SWT1: variants seen among roughly 807,000 people sequenced by gnomAD.
SWT1 encodes SWT1 RNA endoribonuclease homolog.
Under a neutral mutation model 107.3 loss-of-function variants are expected in SWT1, and 33 were observed. That is an observed-to-expected ratio of 0.31 (90% confidence interval 0.23 to 0.41). SWT1 has a LOEUF of 0.41. Ranked by LOEUF, SWT1 falls within the 10% of genes least tolerant of loss-of-function variation. SWT1 has a pLI of 1.00. For synonymous variants in SWT1, 345 were observed against 348.3 expected, an observed-to-expected ratio of 0.99 and a Z score of 0.11; for missense variants, 898 against 1,028.9, an observed-to-expected ratio of 0.87 and a Z score of 1.74.
At chr1:185,158,375 GC>G (rs1653825433) in intron 1 of SWT1, among the ~76,000 whole-genome samples, 1 of 151,702 alleles carries the variant, frequency 6.6e-6, no homozygotes, top group Admixed American at 6.6e-5. Flanking sequence ...GTCCCGTACA[GC>G]TTTTATCTAG....
chr1:185,285,183 A>G (rs140251691), intron 18 of SWT1, among the ~76,000 whole-genome samples: 35 of 152,192 alleles, frequency 2.3e-4, no homozygotes, highest in African/African-American at 7.2e-4. Flanking sequence ...GTTCATGAAG[A>G]TGCAGAGAGG....
chr1:185,290,743 T>C lies in SWT1; in HGVS notation c.2643T>C (p.Ser881=). Residue 881 remains serine (S), a synonymous_variant, in exon 19 of 19, where the codon TCT becomes TCC. Coordinates refer to ENST00000367500, the MANE Select transcript of SWT1 (RefSeq NM_017673.7). The stretch of plus-strand genomic sequence containing the variant: ...ATACCATGCAGCAGTGCAATGCATC[T>C]GTTTATATGGAGGCCAAAAACAGGG... ...MEYTMQQCNA[S]VYMEAKNRGW... 1 of 1,612,040 alleles carries C rather than the reference T, an allele frequency of 6.2e-7. No homozygotes were observed. Among genetic ancestry groups the C allele is most frequent in the Non-Finnish European group, 8.5e-7 (1 of 1,178,650 alleles).
At position 185,180,395 on chromosome 1, in the gene SWT1, T is replaced by C. The variant is rs1340010414; in HGVS notation, c.971T>C (p.Phe324Ser). 1.9e-6 allele frequency: 3 copies of C among 1,612,936 alleles called. No individual in the cohort carries two copies. The South Asian group carries it at 3.3e-5, about 18-fold the overall frequency. Residue 324 changes from phenylalanine (F) to serine (S), a missense_variant, in exon 6 of 19, where the codon TTT (phenylalanine) becomes TCT (serine). Physicochemically the swap from Phe to Ser is radical, Grantham distance 155. Transcript: ENST00000367500. ...ATGAAATTACTTTCATTTCAGAGTTTTGAAGCACCATGTTGTTCCGTGTCA... is the reference window on the plus strand; with the variant it reads ...ATGAAATTACTTTCATTTCAGAGTTCTGAAGCACCATGTTGTTCCGTGTCA... The part of the protein sequence containing the change: ...SHSRENLTQS[F>S]EAPCCSVSSE...
rs148214712 is a variant in SWT1 at position 185,186,332 on chromosome 1, G to C, written c.1429+1401G>C. On this transcript the variant is annotated intron_variant, in intron 9 of 18. Transcript: ENST00000367500. ...GATTCACAGCACTGCATGGCTTTAA[G>C]ACTATGAATTGGTAACTTTGTAGAA... 3.4e-3 allele frequency among the ~76,000 whole-genome samples: 515 copies of C among 152,216 alleles called. 1 individual carries two copies. Among genetic ancestry groups the C allele is most frequent in the Admixed American group, 7.5e-3 (115 of 15,294 alleles).
intron 17 of SWT1, among the ~76,000 whole-genome samples, chr1:185,274,309 TTA>T (rs1214909686): frequency 6.8e-6 from 1 of 147,946 alleles, no homozygotes; most frequent in African/African-American, 2.5e-5. Flanking sequence ...TATATATATT[TTA>T]TATATATATT....
At position 185,290,812 on chromosome 1, in the gene SWT1, T is replaced by G; in HGVS notation, c.*9T>G. On this transcript the variant is annotated 3_prime_UTR_variant, in exon 19 of 19. Transcript: ENST00000367500. ...TCAACTATAGGATATAAGTACTGAT[T>G]TGTAACTTTAAAGGAATTGCATTTG... is the stretch of plus-strand genomic sequence containing the variant. The G allele has an allele frequency of 6.3e-7, 1 of 1,596,746 alleles. No individual in the cohort carries two copies. The highest frequency in any genetic ancestry group is 8.5e-7 in the Non-Finnish European group (1 of 1,171,420).
At chr1:185,284,530 G>A (rs1558103760) in intron 18 of SWT1, among the ~76,000 whole-genome samples, 1 of 152,178 alleles carries the variant, frequency 6.6e-6, no homozygotes, top group African/African-American at 2.4e-5. Flanking sequence ...AGCTGCCCCT[G>A]GTGTGTGTTA....
rs1267553681 is a variant in SWT1 at position 185,180,392 on chromosome 1, G to A, written c.968G>A (p.Ser323Asn). 1.9e-6 allele frequency: 3 copies of A among 1,612,504 alleles called. No homozygotes were observed. The highest frequency in any genetic ancestry group is 1.1e-5 in the South Asian group (1 of 91,052). Reference sequence around the variant, plus strand: ...CTAATGAAATTACTTTCATTTCAGAGTTTTGAAGCACCATGTTGTTCCGTG... The same window carrying A: ...CTAATGAAATTACTTTCATTTCAGAATTTTGAAGCACCATGTTGTTCCGTG... ...DSHSRENLTQ[S>N]FEAPCCSVSS... is the part of the protein sequence containing the mutation. The change falls in exon 6 of 19, where the codon AGT (serine) becomes AAT (asparagine). Residue 323 changes from serine to asparagine, a missense_variant and splice_region_variant. Coordinates refer to ENST00000367500, the MANE Select transcript of SWT1 (RefSeq NM_017673.7).
chr1:185,255,173 A>G (rs1178079847), intron 16 of SWT1, among the ~76,000 whole-genome samples: 5 of 152,228 alleles, frequency 3.3e-5, no homozygotes, highest in African/African-American at 1.2e-4. Flanking sequence ...GTTCTTTTAC[A>G]TCTGTTGAGG....
intron 2 of SWT1, among the ~76,000 whole-genome samples, chr1:185,162,250 G>A (rs138629119): frequency 7.9e-5 from 12 of 152,034 alleles, no homozygotes; most frequent in Non-Finnish European, 1.8e-4. Context: ...TTTTCTTTCC[G>A]TAACTCCTAT....
intron 15 of SWT1, among the ~76,000 whole-genome samples, chr1:185,225,483 T>TG (rs1659978394): frequency 6.6e-6 from 1 of 152,192 alleles, no homozygotes; most frequent in Non-Finnish European, 1.5e-5. Context: ...TGAGGAAAAT[T>TG]GGTATTAATT....
At chr1:185,257,666 C>T (rs1386521792) in intron 16 of SWT1, among the ~76,000 whole-genome samples, 2 of 152,254 alleles carry the variant, frequency 1.3e-5, no homozygotes, top group African/African-American at 2.4e-5. Context: ...ACCCACTGAC[C>T]TGTGCCCACT....
At chr1:185,177,067 G>A (rs1571422400) in intron 5 of SWT1, 1 of 982,200 alleles carries the variant, frequency 1.0e-6, no homozygotes. Context: ...AAGGAGGCCA[G>A]AAGAGCTTGG....
intron 16 of SWT1, chr1:185,251,462 T>C (rs1226269696): frequency 3.3e-5 from 5 of 152,238 alleles, no homozygotes; most frequent in Non-Finnish European, 7.3e-5. Context: ...TGCTGAGTTT[T>C]GTCTTTGATC....
chr1:185,274,212 A>G (rs1034722878), intron 17 of SWT1, among the ~76,000 whole-genome samples: 1 of 149,900 alleles, frequency 6.7e-6, no homozygotes, highest in Non-Finnish European at 1.5e-5. Context: ...TTAAAAAATA[A>G]GAATATGTAG....
chr1:185,268,960 C>T (rs987868673), intron 16 of SWT1, among the ~76,000 whole-genome samples: 1 of 150,494 alleles, frequency 6.6e-6, no homozygotes, highest in Admixed American at 6.6e-5. Context: ...TCACGCCATT[C>T]TCCTGCCTCA....
intron 15 of SWT1, among the ~76,000 whole-genome samples, chr1:185,228,253 G>T (rs1660246131): frequency 6.7e-6 from 1 of 149,180 alleles, no homozygotes; most frequent in African/African-American, 2.5e-5. Flanking sequence ...AGATGCAGTG[G>T]TTCATGCCCA....
intron 15 of SWT1, chr1:185,227,637 T>G: frequency 1.7e-6 from 1 of 578,316 alleles, no homozygotes; most frequent in South Asian, 1.5e-5. Flanking sequence ...TCTCGTCGTC[T>G]TCTACATTTC....
chr1:185,180,893 C>G (rs1306500173), intron 6 of SWT1, among the ~76,000 whole-genome samples: 1 of 152,166 alleles, frequency 6.6e-6, no homozygotes, highest in Non-Finnish European at 1.5e-5. Flanking sequence ...ACCAGAGTCC[C>G]CTGACTGATC....
Sources: allele counts gnomAD v4.1 joint callset (sites outside exome capture counted in the v4.1 genomes callset), GRCh38; gene constraint gnomAD v4.1.1; transcripts MANE v1.5; gene names NCBI Gene and HGNC (gene_info 2026-07-23, HGNC 2026-07-21).